Variants in HIPK3 observed in about 807,000 individuals in gnomAD.
HIPK3 encodes the protein homeodomain interacting protein kinase 3.
HIPK3 carries 47 observed loss-of-function variants against 124.2 expected under a neutral mutation model. That is an observed-to-expected ratio of 0.38 (90% confidence interval 0.30 to 0.48). The LOEUF (loss-of-function observed/expected upper bound fraction) is 0.48, where lower values mean the gene tolerates loss of function less well. HIPK3 is among the 20% of genes least tolerant of loss of function. The pLI is 0.98. For missense variants in HIPK3, 1,286 were observed against 1,454.3 expected (o/e 0.88, Z 1.88); for synonymous variants, 482 against 515.2 (o/e 0.94, Z 0.87).
chr11:33,342,020 T>C (rs975518979), intron 8 of HIPK3, among the ~76,000 whole-genome samples: 1 of 146,990 alleles, frequency 6.8e-6, no homozygotes, highest in African/African-American at 2.5e-5. Context: ...GAAATGGAGG[T>C]TGAAGCTGGA....
intron 1 of HIPK3, among the ~76,000 whole-genome samples, chr11:33,262,797 A>T (rs1217243443): frequency 6.6e-6 from 1 of 151,790 alleles, no homozygotes; most frequent in Non-Finnish European, 1.5e-5. Flanking sequence ...CTCTTTTTAT[A>T]TTTATTTTTT....
At chr11:33,282,318 G>A (rs1340042644) in intron 1 of HIPK3, among the ~76,000 whole-genome samples, 4 of 151,872 alleles carry the variant, frequency 2.6e-5, no homozygotes, top group Non-Finnish European at 5.9e-5. Flanking sequence ...TCAGGAGGTC[G>A]AAGCTGCAGC....
chr11:33,300,021 CAAAAAAAAAAAAA>C (rs58435948), intron 2 of HIPK3, among the ~76,000 whole-genome samples: 6 of 95,154 alleles, frequency 6.3e-5, no homozygotes, highest in African/African-American at 2.5e-4. Context: ...GACCCTGTCT[CAAAAAAAAAAAAA>C]AAAAAAAAAA....
chr11:33,347,867 C>G lies in HIPK3; in HGVS notation c.2160C>G (p.Cys720Trp), dbSNP rs758285566. 5.6e-6 allele frequency: 9 copies of G among 1,614,050 alleles called. No individual in the cohort carries two copies. In the South Asian group the frequency reaches 9.9e-5, roughly 18 times the overall value. ...TTCTCCCTAGGAAGATGATTTCATG[C>G]AGCAATCATTATAACTCAGTGATGC... ...RLGDWGKMIS[C>W]SNHYNSVMPQ... Residue 720 changes from cysteine (C) to tryptophan (W), a missense_variant, in exon 11 of 17, where the codon TGC (cysteine) becomes TGG (tryptophan). This residue lies in a region of HIPK3 where 810 missense variants were observed against 864.9 expected (regional missense o/e 0.94). Transcript: ENST00000303296.
chr11:33,259,974 G>A (rs1267257671), intron 1 of HIPK3, among the ~76,000 whole-genome samples: 2 of 151,878 alleles, frequency 1.3e-5, no homozygotes, highest in Non-Finnish European at 2.9e-5. Flanking sequence ...TACATATTAG[G>A]CAAGCAGATC....
intron 1 of HIPK3, among the ~76,000 whole-genome samples, chr11:33,267,963 T>C (rs1468994757): frequency 6.6e-6 from 1 of 152,072 alleles, no homozygotes; most frequent in African/African-American, 2.4e-5. Context: ...TTAATCCCAG[T>C]ATTTTGAGAG....
At chr11:33,295,461 C>G (rs1851818200) in intron 2 of HIPK3, among the ~76,000 whole-genome samples, 2 of 152,212 alleles carry the variant, frequency 1.3e-5, no homozygotes, top group Non-Finnish European at 2.9e-5. Context: ...GGAGGCCTCG[C>G]AATAAAACGT....
At chr11:33,258,298 G>A in intron 1 of HIPK3, 1 of 985,190 alleles carries the variant, frequency 1.0e-6, no homozygotes. Context: ...CCCCTCCGCA[G>A]TCCTAGGCCG....
chr11:33,325,447 A>G (rs1852781749), intron 2 of HIPK3, among the ~76,000 whole-genome samples: 1 of 152,172 alleles, frequency 6.6e-6, no homozygotes, highest in Non-Finnish European at 1.5e-5. Flanking sequence ...TTTGTTTTGC[A>G]TTCAGATTAG....
In HIPK3 at chr11:33,311,837, T is replaced by TACACACACACACACACAC. The variant is rs370396153; in HGVS notation, c.1098-16658_1098-16641dup. On this transcript the variant is annotated intron_variant, in intron 2 of 16. Transcript: ENST00000303296. The stretch of plus-strand genomic sequence containing the variant: ...GGGCAACATAGCAGGACCCTGTTTC[T>TACACACACACACACACAC]ACACACACACACACACACACACACA... Among the ~76,000 whole-genome samples, 103 of 104,488 alleles carry TACACACACACACACACAC rather than the reference T, an allele frequency of 9.9e-4. 4 individuals are homozygous for TACACACACACACACACAC. The highest frequency in any genetic ancestry group is 1.5e-3 in the South Asian group (4 of 2,636). 68.5% of individuals were successfully genotyped at this position (104,488 alleles called of 152,430 possible).
chr11:33,332,787 G>A (rs1208956719), intron 3 of HIPK3, among the ~76,000 whole-genome samples: 1 of 152,076 alleles, frequency 6.6e-6, no homozygotes, highest in Non-Finnish European at 1.5e-5. Context: ...TAGGCCATTT[G>A]CATTGCTATA....
chr11:33,325,500 C>T (rs1192517867), intron 2 of HIPK3, among the ~76,000 whole-genome samples: 1 of 152,186 alleles, frequency 6.6e-6, no homozygotes, highest in Non-Finnish European at 1.5e-5. Flanking sequence ...CCACGCCGTA[C>T]TTTCAAAACT....
At chr11:33,329,651 G>T (rs1256254456) in intron 3 of HIPK3, among the ~76,000 whole-genome samples, 1 of 152,082 alleles carries the variant, frequency 6.6e-6, no homozygotes. Flanking sequence ...TTTAGGTTAG[G>T]TTTTCCATAT....
chr11:33,280,523 G>A (rs1219511218), intron 1 of HIPK3, among the ~76,000 whole-genome samples: 1 of 152,132 alleles, frequency 6.6e-6, no homozygotes, highest in Non-Finnish European at 1.5e-5. Flanking sequence ...CACCACCTAT[G>A]CCTTCTGATG....
intron 1 of HIPK3, among the ~76,000 whole-genome samples, chr11:33,267,853 T>C (rs941793367): frequency 7.9e-5 from 12 of 152,180 alleles, no homozygotes; most frequent in African/African-American, 2.9e-4. Context: ...TTGGAGTCCT[T>C]AAAAGCAGAG....
intron 8 of HIPK3, among the ~76,000 whole-genome samples, chr11:33,343,035 C>G (rs1320829489): frequency 1.3e-5 from 2 of 152,176 alleles, no homozygotes; most frequent in South Asian, 2.1e-4. Flanking sequence ...ACCAACATGT[C>G]CAACTTAGTG....
chr11:33,343,957 G>C (rs1385022449), intron 8 of HIPK3, among the ~76,000 whole-genome samples: 1 of 152,124 alleles, frequency 6.6e-6, no homozygotes, highest in East Asian at 1.9e-4. Context: ...CCACATCATT[G>C]TAGTGTTAGG....
rs58735030 is a variant in HIPK3, at chr11:33,302,342, C to CTTTTTTTTTTTTTTTT, written c.1097+14845_1097+14846insTTTTTTTTTTTTTTTT. 1.9e-3 allele frequency among the ~76,000 whole-genome samples: 255 copies of CTTTTTTTTTTTTTTTT among 135,652 alleles called. 2 individuals are homozygous for CTTTTTTTTTTTTTTTT. The highest frequency in any genetic ancestry group is 3.2e-3 in the Non-Finnish European group (209 of 64,816). The allele number at this position is 135,652 out of a possible 152,430, so 89.0% of individuals were successfully genotyped here. A position where few individuals can be genotyped will look rare whatever the true frequency, so the allele number is the denominator to read the frequency against. On this transcript the variant is annotated intron_variant, in intron 2 of 16. Coordinates refer to ENST00000303296, the MANE Select transcript of HIPK3 (RefSeq NM_005734.5). ...ACTTCTCTATGATAATTCCTTACTT[C>CTTTTTTTTTTTTTTTT]TTTTTTTTTTTTTTGAGAAGGAGTC...
At chr11:33,322,137 C>G (rs1852682138) in intron 2 of HIPK3, among the ~76,000 whole-genome samples, 1 of 152,064 alleles carries the variant, frequency 6.6e-6, no homozygotes, top group African/African-American at 2.4e-5. Flanking sequence ...GTAGCTGGGA[C>G]TACAGGCGCT....
Sources: allele counts gnomAD v4.1 joint callset (sites outside exome capture counted in the v4.1 genomes callset), GRCh38; gene constraint gnomAD v4.1.1; regional missense constraint gnomAD v4.1.1; transcripts MANE v1.5; gene names NCBI Gene and HGNC (gene_info 2026-07-23, HGNC 2026-07-21).